AKR1B10: variants seen among roughly 807,000 people sequenced by gnomAD.
The protein encoded by AKR1B10 is aldo-keto reductase family 1 member B10.
In AKR1B10, 39 loss-of-function variants were observed where a neutral mutation model predicts 38.9. That is an observed-to-expected ratio of 1.00 (90% confidence interval 0.78 to 1.31). The LOEUF is 1.31. AKR1B10 is among the 50% of genes most tolerant of loss of function. The probability of loss-of-function intolerance (pLI) is 0.00; values close to 1 mark genes in which losing one functional copy is unlikely to be tolerated. For synonymous variants in AKR1B10, 148 were observed against 141.2 expected (o/e 1.05, Z -0.34); for missense variants, 361 against 382.6 (o/e 0.94, Z 0.47).
Position 134,538,208 on chromosome 7 carries a change from C to T in AKR1B10, c.756C>T (p.Phe252=), listed in dbSNP as rs757932541. The T allele has an allele frequency of 6.2e-7, 1 of 1,614,046 alleles. No individual in the cohort carries two copies. Among genetic ancestry groups the T allele is most frequent in the East Asian group, 2.2e-5 (1 of 44,872 alleles). Residue 252 remains phenylalanine, a synonymous_variant, in exon 8 of 10, where the codon TTC becomes TTT. Coordinates refer to ENST00000359579, the MANE Select transcript of AKR1B10 (RefSeq NM_020299.5). ...TTTCCGCATAGGTTCTGATCCGTTT[C>T]CATATCCAGAGGAATGTGATTGTCA... The part of the protein sequence containing the change: ...KKTAAQVLIR[F]HIQRNVIVIP...
chr7:134,539,047 T>C (rs1285757936), intron 9 of AKR1B10, 30 bp downstream of exon 9: 4 of 1,613,448 alleles, frequency 2.5e-6, no homozygotes, highest in Middle Eastern at 1.7e-4. Flanking sequence ...CTAGAAGCAT[T>C]GCCAGGAGTT....
intron 9 of AKR1B10, among the ~76,000 whole-genome samples, chr7:134,539,641 G>T (rs1429160167): frequency 6.6e-6 from 1 of 152,100 alleles, no homozygotes; most frequent in African/African-American, 2.4e-5. Flanking sequence ...ATTGTGTTTA[G>T]AACATTCAAG....
chr7:134,532,037 C>G lies in AKR1B10; in HGVS notation c.351+13C>G. ...ACAGGGATTCAAGGTTTAAGACACT[C>G]TCTTTCTCAGCCTCTAGTTTCTGAG... is the stretch of plus-strand genomic sequence containing the variant. On this transcript the variant is annotated intron_variant, in intron 3 of 9. Transcript: ENST00000359579. The G allele has an allele frequency of 6.2e-7, 1 of 1,613,580 alleles. No individual in the cohort carries two copies. Among genetic ancestry groups the G allele is most frequent in the Non-Finnish European group, 8.5e-7 (1 of 1,179,748 alleles).
intron 9 of AKR1B10, 46 bp downstream of exon 9, chr7:134,539,063 AAACT>A (rs1243342053): frequency 6.2e-7 from 1 of 1,609,334 alleles, no homozygotes; most frequent in Non-Finnish European, 8.5e-7. Flanking sequence ...GAGTTTTTCT[AAACT>A]AATAGAGGGT....
Position 134,536,773 on chromosome 7 carries a change from G to A in AKR1B10, c.552+1G>A. 9.9e-6 allele frequency: 16 copies of A among 1,613,826 alleles called. No homozygotes were observed. Among genetic ancestry groups the A allele is most frequent in the Non-Finnish European group, 1.3e-5 (15 of 1,179,796 alleles). On this transcript the variant is annotated splice_donor_variant, in intron 5 of 9. Coordinates refer to ENST00000359579, the MANE Select transcript of AKR1B10 (RefSeq NM_020299.5). LOFTEE classifies it high-confidence loss of function. ...GAAATATAAACCAGTGACTAACCAG[G>A]TAAATTCTATTCAGTTTAAGGGTAA...
Position 134,537,577 on chromosome 7 carries a change from T to C in AKR1B10, c.660-3T>C. The C allele has an allele frequency of 1.2e-6, 2 of 1,613,672 alleles. No individual in the cohort carries two copies. The highest frequency in any genetic ancestry group is 1.7e-6 in the Non-Finnish European group (2 of 1,179,810). ...ATTCACATCAGCATCTTTCTGCCCC[T>C]AGGGCCAAGCCAGAAGACCCTTCCC... On this transcript the variant is annotated splice_polypyrimidine_tract_variant and splice_region_variant and intron_variant, in intron 6 of 9. Coordinates refer to ENST00000359579, the MANE Select transcript of AKR1B10 (RefSeq NM_020299.5).
intron 9 of AKR1B10, among the ~76,000 whole-genome samples, chr7:134,540,695 C>T (rs911832233): frequency 6.6e-6 from 1 of 152,156 alleles, no homozygotes; most frequent in African/African-American, 2.4e-5. Flanking sequence ...ATTTAATACT[C>T]AGAACAATCC....
chr7:134,536,846 G>A lies in AKR1B10; in HGVS notation c.552+74G>A. 4 of 1,597,656 alleles carry A rather than the reference G, an allele frequency of 2.5e-6. No homozygotes were observed. In the South Asian group the frequency reaches 3.4e-5, roughly 14 times the overall value. On this transcript the variant is annotated intron_variant, in intron 5 of 9. Coordinates refer to ENST00000359579, the MANE Select transcript of AKR1B10 (RefSeq NM_020299.5). ...AAACATTGCGGGAGGAATGTTCAAT[G>A]CTATGCCCTGAGTCTCATCTCAGGG...
At chr7:134,531,554 GCTTGA>G (rs1194384684) in intron 2 of AKR1B10, among the ~76,000 whole-genome samples, 1 of 152,154 alleles carries the variant, frequency 6.6e-6, no homozygotes, top group Non-Finnish European at 1.5e-5. Context: ...GCCTAAGAAT[GCTTGA>G]CATTTAAAAG....
chr7:134,529,235 C>T (rs1286330030), intron 1 of AKR1B10, among the ~76,000 whole-genome samples: 1 of 152,176 alleles, frequency 6.6e-6, no homozygotes, highest in Non-Finnish European at 1.5e-5. Context: ...TGCTGCAGCA[C>T]TGGGTCATCC....
chr7:134,532,717 G>T (rs1245859858), intron 3 of AKR1B10, among the ~76,000 whole-genome samples: 1 of 152,170 alleles, frequency 6.6e-6, no homozygotes, highest in Non-Finnish European at 1.5e-5. Flanking sequence ...GCCCTTGGTT[G>T]TATATGGGAT....
At chr7:134,537,478 G>A in intron 6 of AKR1B10, 102 bp from the exon 7 acceptor site, 1 of 1,297,344 alleles carries the variant, frequency 7.7e-7, no homozygotes, top group Non-Finnish European at 1.1e-6. Flanking sequence ...TCTCCCAGAT[G>A]GAGAGGCTCT....
At chr7:134,530,836 C>G in intron 2 of AKR1B10, 26 bp downstream of exon 2, 1 of 1,591,754 alleles carries the variant, frequency 6.3e-7, no homozygotes, top group Non-Finnish European at 8.6e-7. Flanking sequence ...TGGTGGGAGG[C>G]CTTCACTTCA....
At chr7:134,532,076 ATAG>A in intron 3 of AKR1B10, 52 bp downstream of exon 3, 1 of 1,602,388 alleles carries the variant, frequency 6.2e-7, no homozygotes, top group Non-Finnish European at 8.6e-7. Context: ...GTGCCAGAAA[ATAG>A]TAGCTGCACC....
chr7:134,538,581 A>G (rs1808073769), intron 8 of AKR1B10, among the ~76,000 whole-genome samples: 1 of 152,122 alleles, frequency 6.6e-6, no homozygotes, highest in Non-Finnish European at 1.5e-5. Context: ...ACACAAGAAC[A>G]GACTGTCCTG....
chr7:134,538,258 G>A lies in AKR1B10; in HGVS notation c.806G>A (p.Arg269His), dbSNP rs146556418. The A allele has an allele frequency of 2.4e-3, 3,797 of 1,613,906 alleles. 23 individuals carry two copies. The highest frequency in any genetic ancestry group is 8.9e-3 in the South Asian group (806 of 91,044). ...IVIPKSVTPARIVENIQVFDF... is the reference protein window; with the variant it reads ...IVIPKSVTPAHIVENIQVFDF... ...ATCCCCAAGTCTGTGACACCAGCAC[G>A]CATTGTTGAGAACATTCAGGTAAGT... Residue 269 changes from arginine (R) to histidine (H), a missense_variant, in exon 8 of 10, where the codon CGC (arginine) becomes CAC (histidine). Coordinates refer to ENST00000359579, the MANE Select transcript of AKR1B10 (RefSeq NM_020299.5).
At chr7:134,535,316 A>G (rs1289147922) in intron 4 of AKR1B10, among the ~76,000 whole-genome samples, 5 of 152,188 alleles carry the variant, frequency 3.3e-5, no homozygotes, top group African/African-American at 1.2e-4. Context: ...AAGGCCTACA[A>G]GAGTTAAAAA....
intron 4 of AKR1B10, chr7:134,535,585 C>CCTTTT (rs1554396831): frequency 1.5e-4 from 63 of 410,546 alleles, no homozygotes; most frequent in Middle Eastern, 1.3e-3. Context: ...TCTTTTCTGT[C>CCTTTT]TTTTTTTTTT....
Position 134,541,086 on chromosome 7 carries a change from T to C in AKR1B10, c.948T>C (p.Tyr316=), listed in dbSNP as rs1393492420. The change falls in exon 10 of 10, where the codon TAT becomes TAC. Residue 316 remains tyrosine (Y), a synonymous_variant. Coordinates refer to ENST00000359579, the MANE Select transcript of AKR1B10 (RefSeq NM_020299.5). The part of the protein sequence containing the change: ...HLEDYPFNAE[Y] ...AAGACTATCCCTTCAATGCAGAATATTGAGGTTGAATCTCCTGGTGAGATT... is the reference window on the plus strand; with the variant it reads ...AAGACTATCCCTTCAATGCAGAATACTGAGGTTGAATCTCCTGGTGAGATT... The C allele has an allele frequency of 2.5e-6, 4 of 1,576,238 alleles. No homozygotes were observed. The highest frequency in any genetic ancestry group is 1.7e-4 in the Middle Eastern group (1 of 5,970).
Sources: allele counts gnomAD v4.1 joint callset (sites outside exome capture counted in the v4.1 genomes callset), GRCh38; gene constraint gnomAD v4.1.1; transcripts MANE v1.5; gene names NCBI Gene and HGNC (gene_info 2026-07-23, HGNC 2026-07-21).